The following SUGCT variants were observed in gnomAD, a reference collection of about 807,000 sequenced individuals.
The protein encoded by SUGCT is succinyl-CoA:glutarate CoA-transferase.
A neutral mutation model predicts 55.0 loss-of-function variants in SUGCT; 41 were observed. The ratio of observed to expected loss-of-function variants is 0.74; its 90% CI spans 0.58 to 0.97. The LOEUF (loss-of-function observed/expected upper bound fraction) is 0.97, where lower values mean the gene tolerates loss of function less well. SUGCT is among the 50% of genes least tolerant of loss of function. The pLI, the probability that SUGCT is intolerant of heterozygous loss-of-function variation, is 0.00. For synonymous variants in SUGCT, 187 were observed against 200.4 expected (o/e 0.93, Z 0.56); for missense variants, 568 against 547.8 (o/e 1.04, Z -0.37).
At chr7:40,650,805 T>G (rs1483290710) in intron 12 of SUGCT, among the ~76,000 whole-genome samples, 3 of 152,174 alleles carry the variant, frequency 2.0e-5, no homozygotes, top group African/African-American at 7.2e-5. Flanking sequence ...GCTGCATCTA[T>G]CAACCCATCA....
At chr7:40,332,458 T>G (rs1313889821) in intron 9 of SUGCT, among the ~76,000 whole-genome samples, 3 of 148,438 alleles carry the variant, frequency 2.0e-5, no homozygotes, top group Non-Finnish European at 4.4e-5. Context: ...TTTTTTTGTT[T>G]TTTTTTTTTT....
chr7:40,684,256 C>T, intron 12 of SUGCT: 24 of 1,350,876 alleles, frequency 1.8e-5, no homozygotes, highest in Non-Finnish European at 1.9e-5. Context: ...ATTTACATCA[C>T]AGGTTTCAGG....
chr7:40,995,734 A>G, the SUGCT span, among the ~76,000 whole-genome samples: 1 of 152,116 alleles, frequency 6.6e-6, no homozygotes, highest in African/African-American at 2.4e-5. Context: ...TTAAAACCTT[A>G]CAGCCCTTCA....
chr7:40,702,379 GA>G (rs1785204748), intron 12 of SUGCT, among the ~76,000 whole-genome samples: 1 of 152,190 alleles, frequency 6.6e-6, no homozygotes, highest in South Asian at 2.1e-4. Context: ...ATAATAGAGT[GA>G]AAAATACACA....
chr7:40,544,993 C>T (rs1794914518), intron 12 of SUGCT, among the ~76,000 whole-genome samples: 1 of 152,152 alleles, frequency 6.6e-6, no homozygotes, highest in Non-Finnish European at 1.5e-5. Flanking sequence ...CTCCTCTCCC[C>T]CACACACTCC....
intron 12 of SUGCT, among the ~76,000 whole-genome samples, chr7:40,706,091 A>G (rs943265624): frequency 1.3e-5 from 2 of 152,200 alleles, no homozygotes; most frequent in Non-Finnish European, 2.9e-5. Context: ...ATGATCATTA[A>G]TATTTCTAAT....
chr7:40,334,883 T>C (rs1287451868), intron 9 of SUGCT, among the ~76,000 whole-genome samples: 1 of 152,242 alleles, frequency 6.6e-6, no homozygotes, highest in African/African-American at 2.4e-5. Flanking sequence ...TTTATGGTTT[T>C]AGGTCTGACA....
the SUGCT span, among the ~76,000 whole-genome samples, chr7:40,975,691 G>T: frequency 6.6e-6 from 1 of 152,126 alleles, no homozygotes; most frequent in Admixed American, 6.5e-5. Context: ...AACCCATCTT[G>T]CAGCCCACAG....
At chr7:40,357,804 T>A (rs1010905029) in intron 9 of SUGCT, among the ~76,000 whole-genome samples, 6 of 152,192 alleles carry the variant, frequency 3.9e-5, no homozygotes, top group Admixed American at 1.3e-4. Flanking sequence ...TTTTAACCAT[T>A]TAAAAATGAT....
At chr7:40,709,392 T>C (rs114679915) in intron 12 of SUGCT, among the ~76,000 whole-genome samples, 217 of 152,294 alleles carry the variant, frequency 1.4e-3, no homozygotes, top group African/African-American at 5.1e-3. Flanking sequence ...TTTAGGAAAA[T>C]CCTGTAAGAG....
the SUGCT span, among the ~76,000 whole-genome samples, chr7:40,927,661 T>G: frequency 6.6e-6 from 1 of 152,308 alleles, no homozygotes; most frequent in Admixed American, 6.5e-5. Flanking sequence ...TTGCTTCTAG[T>G]CATGATGTCC....
chr7:40,207,246 G>C (rs1474295155), intron 6 of SUGCT, among the ~76,000 whole-genome samples: 4 of 151,992 alleles, frequency 2.6e-5, no homozygotes, highest in Admixed American at 2.0e-4. Context: ...TTAGGAAATG[G>C]GCAAAGGACT....
intron 13 of SUGCT, among the ~76,000 whole-genome samples, chr7:40,789,353 T>G (rs1236448031): frequency 6.6e-6 from 1 of 152,178 alleles, no homozygotes; most frequent in East Asian, 1.9e-4. Context: ...GTAAGTGAAA[T>G]CAGGCAGTCT....
chr7:40,376,922 T>G (rs1282988725), intron 9 of SUGCT, among the ~76,000 whole-genome samples: 3 of 151,852 alleles, frequency 2.0e-5, no homozygotes, highest in Non-Finnish European at 4.4e-5. Context: ...TTTCACTGCA[T>G]GTAGAACTCC....
chr7:40,192,880 G>T (rs1371401300), intron 5 of SUGCT, among the ~76,000 whole-genome samples: 1 of 150,972 alleles, frequency 6.6e-6, no homozygotes, highest in African/African-American at 2.4e-5. Flanking sequence ...TAATCTACCT[G>T]CCTCAGCCTC....
intron 13 of SUGCT, among the ~76,000 whole-genome samples, chr7:40,772,565 GTGTTATCTATCTGC>G (rs1562994290): frequency 9.2e-4 from 110 of 119,016 alleles, no homozygotes; most frequent in African/African-American, 3.5e-3. Context: ...TATCTATCTG[GTGTTATCTATCTGC>G]TATCTATCTA....
At chr7:40,469,057 C>A (rs534656743) in intron 11 of SUGCT, among the ~76,000 whole-genome samples, 3 of 152,278 alleles carry the variant, frequency 2.0e-5, no homozygotes, top group African/African-American at 7.2e-5. Context: ...ATCCACTCTC[C>A]CATATCTACA....
At chr7:40,206,985 G>A (rs1787011366) in intron 6 of SUGCT, among the ~76,000 whole-genome samples, 1 of 151,582 alleles carries the variant, frequency 6.6e-6, no homozygotes, top group Non-Finnish European at 1.5e-5. Context: ...GATTGCTTGA[G>A]CCCAGGGGAT....
chr7:40,647,442 C>T (rs964690345), intron 12 of SUGCT, among the ~76,000 whole-genome samples: 1 of 152,148 alleles, frequency 6.6e-6, no homozygotes, highest in Non-Finnish European at 1.5e-5. Flanking sequence ...CGGTGAAAAG[C>T]AGTTGACTTA....
Sources: allele counts gnomAD v4.1 joint callset (sites outside exome capture counted in the v4.1 genomes callset), GRCh38; gene constraint gnomAD v4.1.1; transcripts MANE v1.5; gene names NCBI Gene and HGNC (gene_info 2026-07-23, HGNC 2026-07-21).